ZFC3H1: variants seen among roughly 807,000 people sequenced by gnomAD.
ZFC3H1 encodes the protein zinc finger C3H1-type containing.
In ZFC3H1, 71 loss-of-function variants were observed where a neutral mutation model predicts 243.7. That is an observed-to-expected ratio of 0.29 (90% CI 0.24 to 0.36). The LOEUF (loss-of-function observed/expected upper bound fraction) is 0.36. Among genes scored for constraint, ZFC3H1 ranks in the 10% least tolerant of loss-of-function variants. The pLI is 1.00. For missense variants in ZFC3H1, 1,966 were observed against 2,317.1 expected, an observed-to-expected ratio of 0.85 and a Z score of 3.11; for synonymous variants, 838 against 813.0, an observed-to-expected ratio of 1.03 and a Z score of -0.52.
At chr12:71,648,951 C>A (rs904201126) in intron 2 of ZFC3H1, among the ~76,000 whole-genome samples, 1 of 151,856 alleles carries the variant, frequency 6.6e-6, no homozygotes, top group Non-Finnish European at 1.5e-5. Context: ...ATTAGCCAGG[C>A]ATGGTGGTGC....
At chr12:71,642,829 G>A (rs1880633119) in intron 5 of ZFC3H1, among the ~76,000 whole-genome samples, 1 of 152,252 alleles carries the variant, frequency 6.6e-6, no homozygotes, top group Middle Eastern at 3.4e-3. Flanking sequence ...TAAATAATTA[G>A]CTCTTCCTGT....
intron 2 of ZFC3H1, among the ~76,000 whole-genome samples, chr12:71,651,306 T>C (rs537277255): frequency 2.6e-5 from 4 of 152,312 alleles, no homozygotes; most frequent in Non-Finnish European, 5.9e-5. Flanking sequence ...CACCTTCAAA[T>C]AGACACCATG....
intron 2 of ZFC3H1, chr12:71,656,479 A>T (rs1443388987): frequency 1.6e-6 from 1 of 636,178 alleles, no homozygotes; most frequent in Non-Finnish European, 2.8e-6. Flanking sequence ...AAGAAAACAG[A>T]TTTTGTAAAC....
chr12:71,620,522 T>C (rs1397319084), intron 24 of ZFC3H1, among the ~76,000 whole-genome samples: 1 of 152,174 alleles, frequency 6.6e-6, no homozygotes, highest in African/African-American at 2.4e-5. Flanking sequence ...TTCAATTCCT[T>C]ACCCTCAACT....
chr12:71,634,068 T>C lies in ZFC3H1; in HGVS notation c.2510+87A>G. The stretch of plus-strand genomic sequence containing the variant: ...GTTTAAGTGAGAAAATGTATAATCT[T>C]ATAGTACGCTTATTAATAACATACA... On this transcript the variant is annotated intron_variant, in intron 12 of 34. Transcript: ENST00000378743. 3.8e-6 allele frequency: 5 copies of C among 1,333,070 alleles called. No homozygotes were observed. In the South Asian group the frequency reaches 7.1e-5, roughly 19 times the overall value. 82.6% of individuals were successfully genotyped at this position (1,333,070 alleles called of 1,614,324 possible). A position where few individuals can be genotyped will look rare whatever the true frequency, so the allele number is the denominator to read the frequency against.
chr12:71,610,188 T>C lies in ZFC3H1; in HGVS notation c.*240A>G. Reference sequence around the variant, plus strand: ...TGAGGAACTATACTTACGTATATGATGTTATGAGAATCTGGCAGGGCCTAG... The same window carrying C: ...TGAGGAACTATACTTACGTATATGACGTTATGAGAATCTGGCAGGGCCTAG... On this transcript the variant is annotated 3_prime_UTR_variant, in exon 35 of 35. Coordinates refer to ENST00000378743, the MANE Select transcript of ZFC3H1 (RefSeq NM_144982.5). 1 of 398,508 alleles carries C rather than the reference T, an allele frequency of 2.5e-6. No homozygotes were observed. The highest frequency in any genetic ancestry group is 4.5e-6 in the Non-Finnish European group (1 of 222,574). The allele number at this position is 398,508 out of a possible 1,614,324, so 24.7% of individuals were successfully genotyped here. A position where few individuals can be genotyped will look rare whatever the true frequency, so the allele number is the denominator to read the frequency against.
At chr12:71,620,520 C>T (rs974199135) in intron 24 of ZFC3H1, among the ~76,000 whole-genome samples, 1 of 152,170 alleles carries the variant, frequency 6.6e-6, no homozygotes, top group Admixed American at 6.5e-5. Context: ...AATTCAATTC[C>T]TTACCCTCAA....
chr12:71,648,751 A>C lies in ZFC3H1; in HGVS notation c.1016-938T>G, dbSNP rs190366098. Among the ~76,000 whole-genome samples, 31 of 152,356 alleles carry C rather than the reference A, an allele frequency of 2.0e-4. 1 individual carries two copies. The highest frequency in any genetic ancestry group is 7.2e-4 in the African/African-American group (30 of 41,578). ...ACAAATGAGTTCTGTTGAAAGGCTT[A>C]GTCTATAAATGTGAATTTGTTGCAA... On this transcript the variant is annotated intron_variant, in intron 2 of 34. Transcript: ENST00000378743.
At chr12:71,660,345 C>T (rs1178354318) in intron 1 of ZFC3H1, 1 of 152,118 alleles carries the variant, frequency 6.6e-6, no homozygotes, top group African/African-American at 2.4e-5. Context: ...AAAAAGAACA[C>T]CACCTCTAGG....
rs1881231850 is a variant in ZFC3H1 at position 71,663,112 on chromosome 12, C to T, written c.499G>A (p.Gly167Arg). ...WSRGRGVGERGGKPGCRPPLG... is the reference protein window; with the variant it reads ...WSRGRGVGERRGKPGCRPPLG... ...GGAGGTCTGCACCCCGGCTTGCCTC[C>T]TCGCTCACCCACTCCTCGCCCCCGA... The change falls in exon 1 of 35, where the codon GGA (glycine) becomes AGA (arginine). Residue 167 changes from glycine (G) to arginine (R), a missense_variant. Physicochemically the swap from Gly to Arg is moderately radical, Grantham distance 125. This residue lies in a region of ZFC3H1 where 484 missense variants were observed against 449.7 expected (regional missense o/e 1.08). Coordinates refer to ENST00000378743, the MANE Select transcript of ZFC3H1 (RefSeq NM_144982.5). The T allele has an allele frequency of 6.2e-7, 1 of 1,613,950 alleles. No individual in the cohort carries two copies. Among genetic ancestry groups the T allele is most frequent in the Admixed American group, 1.7e-5 (1 of 60,010 alleles).
intron 6 of ZFC3H1, among the ~76,000 whole-genome samples, chr12:71,641,129 A>C (rs1402070806): frequency 6.6e-6 from 1 of 152,218 alleles, no homozygotes; most frequent in Non-Finnish European, 1.5e-5. Flanking sequence ...TCATTTAAAA[A>C]GCATAGATCA....
Position 71,636,865 on chromosome 12 carries a change from T to G in ZFC3H1, c.1920A>C (p.Arg640Ser), listed in dbSNP as rs1488626505. The G allele has an allele frequency of 6.2e-7, 1 of 1,613,922 alleles. No homozygotes were observed. The highest frequency in any genetic ancestry group is 8.5e-7 in the Non-Finnish European group (1 of 1,179,918). Residue 640 changes from arginine (R) to serine (S), a missense_variant, in exon 8 of 35, where the codon AGA becomes AGC. By Grantham distance (110) the Arg-to-Ser change is moderately radical. Around this residue, in one of 4 missense-constraint regions of ZFC3H1, gnomAD observed 1,383 missense variants for 1,723.7 expected, o/e 0.80. Coordinates refer to ENST00000378743, the MANE Select transcript of ZFC3H1 (RefSeq NM_144982.5). ...CCTAAATTACCTCTGGCTTAAAAGC[T>G]CTTTTATTTGCTAGAGATTTAAGTA... is the stretch of plus-strand genomic sequence containing the variant. ...EELLKSLANK[R>S]AFKPEETSSN... is the part of the protein sequence containing the mutation.
chr12:71,631,893 A>G lies in ZFC3H1; in HGVS notation c.3361-6T>C. ...TCCACATCTACAGAAATCTCCTGCA[A>G]AAGAAAATAATAATTCTGTAAGGCA... On this transcript the variant is annotated splice_polypyrimidine_tract_variant and splice_region_variant and intron_variant, in intron 15 of 34. Transcript: ENST00000378743. 1 of 1,608,004 alleles carries G rather than the reference A, an allele frequency of 6.2e-7. No individual in the cohort carries two copies. The highest frequency in any genetic ancestry group is 8.5e-7 in the Non-Finnish European group (1 of 1,178,366).
Position 71,623,615 on chromosome 12 carries a change from T to A in ZFC3H1, c.4507-18A>T, listed in dbSNP as rs1034205225. ...AATGCATTCTAGGCAAAATTTAAAA[T>A]TTTTTGATAAAAAAATTAGAGATGT... On this transcript the variant is annotated intron_variant, in intron 23 of 34. Coordinates refer to ENST00000378743, the MANE Select transcript of ZFC3H1 (RefSeq NM_144982.5). 1.9e-6 allele frequency: 3 copies of A among 1,559,076 alleles called. No homozygotes were observed. In the African/African-American group the frequency reaches 4.1e-5, roughly 21 times the overall value.
In ZFC3H1 at chr12:71,630,704, T is replaced by G; in HGVS notation, c.3620A>C (p.Tyr1207Ser). 1 of 1,612,128 alleles carries G rather than the reference T, an allele frequency of 6.2e-7. No individual in the cohort carries two copies. The highest frequency in any genetic ancestry group is 8.5e-7 in the Non-Finnish European group (1 of 1,179,344). Residue 1207 changes from tyrosine (Y) to serine (S), a missense_variant, in exon 18 of 35, where the codon TAT becomes TCT. This residue lies in a region of ZFC3H1 where 1,383 missense variants were observed against 1,723.7 expected (regional missense o/e 0.80). Coordinates refer to ENST00000378743, the MANE Select transcript of ZFC3H1 (RefSeq NM_144982.5). ...DDCQWQHIQD[Y>S]TLSRKQLFQD... ...GAATAACTGTTTTCGGCTAAGTGTA[T>G]AGTCTTGTATATGCTGCCTAAGATA...
intron 2 of ZFC3H1, among the ~76,000 whole-genome samples, chr12:71,649,406 T>C (rs1395214989): frequency 1.3e-5 from 2 of 152,246 alleles, no homozygotes; most frequent in East Asian, 3.8e-4. Flanking sequence ...ACAGGTGTAC[T>C]TCAGGTCTAT....
intron 30 of ZFC3H1, 75 bp downstream of exon 30, chr12:71,614,460 C>A: frequency 7.4e-7 from 1 of 1,357,260 alleles, no homozygotes; most frequent in Non-Finnish European, 9.9e-7. Context: ...TGATATAAAA[C>A]AGGAGTTTTG....
At chr12:71,662,708 G>C (rs1881217231) in intron 1 of ZFC3H1, among the ~76,000 whole-genome samples, 1 of 152,052 alleles carries the variant, frequency 6.6e-6, no homozygotes, top group South Asian at 2.1e-4. Context: ...TTCTGTACCA[G>C]CAAAAATACA....
At chr12:71,652,383 G>A (rs1366105388) in intron 2 of ZFC3H1, among the ~76,000 whole-genome samples, 1 of 152,048 alleles carries the variant, frequency 6.6e-6, no homozygotes. Context: ...AATATTAAAG[G>A]CCTTCCCAAT....
Sources: allele counts gnomAD v4.1 joint callset (sites outside exome capture counted in the v4.1 genomes callset), GRCh38; gene constraint gnomAD v4.1.1; regional missense constraint gnomAD v4.1.1; transcripts MANE v1.5; gene names NCBI Gene and HGNC (gene_info 2026-07-23, HGNC 2026-07-21).